Variants in DCUN1D4 observed in about 807,000 individuals in gnomAD.
The protein encoded by DCUN1D4 is defective in cullin neddylation 1 domain containing 4.
A neutral mutation model predicts 47.9 loss-of-function variants in DCUN1D4; 22 were observed. That is an observed-to-expected ratio of 0.46 (90% CI 0.33 to 0.66). The LOEUF (loss-of-function observed/expected upper bound fraction) is 0.66. DCUN1D4 is among the 30% of genes least tolerant of loss of function. The pLI, the probability that DCUN1D4 is intolerant of heterozygous loss-of-function variation, is 0.02. For missense variants in DCUN1D4, 301 were observed against 340.8 expected, an observed-to-expected ratio of 0.88 and a Z score of 0.92; for synonymous variants, 121 against 112.2, an observed-to-expected ratio of 1.08 and a Z score of -0.50.
intron 7 of DCUN1D4, among the ~76,000 whole-genome samples, chr4:51,895,758 C>G (rs1731174031): frequency 6.6e-6 from 1 of 152,112 alleles, no homozygotes; most frequent in Admixed American, 6.6e-5. Flanking sequence ...GAGCAGCAAA[C>G]TCAAAAAGAA....
At chr4:51,904,214 GC>G (rs1732537198) in intron 8 of DCUN1D4, among the ~76,000 whole-genome samples, 1 of 151,966 alleles carries the variant, frequency 6.6e-6, no homozygotes, top group South Asian at 2.1e-4. Flanking sequence ...GGATGATTTG[GC>G]CCCACTACTA....
In DCUN1D4 at chr4:51,889,810, A is replaced by G. The variant is rs116446469; in HGVS notation, c.415-1950A>G. Among the ~76,000 whole-genome samples the G allele has an allele frequency of 2.4e-3, 360 of 152,288 alleles. 1 individual carries two copies. Among genetic ancestry groups the G allele is most frequent in the African/African-American group, 8.5e-3 (353 of 41,564 alleles). On this transcript the variant is annotated intron_variant, in intron 6 of 10. Transcript: ENST00000334635. Reference sequence around the variant, plus strand: ...GAATAATTTGAAGAACTGTAACCCCATCTTTTTGGGAAATTCTTAGTAGCA... The same window carrying G: ...GAATAATTTGAAGAACTGTAACCCCGTCTTTTTGGGAAATTCTTAGTAGCA...
chr4:51,843,334 G>T, intron 1 of DCUN1D4, 67 bp downstream of exon 1: 1 of 1,476,228 alleles, frequency 6.8e-7, no homozygotes, highest in South Asian at 1.3e-5. Context: ...CTCGGCTCCC[G>T]CAGTCCCCGC....
the DCUN1D4 span, among the ~76,000 whole-genome samples, chr4:51,834,130 C>CTTTTTTTTTTTTTTTTTTTTTTTTTT: frequency 4.3e-5 from 1 of 23,394 alleles, no homozygotes; most frequent in African/African-American, 4.3e-4. Flanking sequence ...TTTTTTTTTG[C>CTTTTTTTTTTTTTTTTTTTTTTTTTT]TGTAAATCTG....
intron 4 of DCUN1D4, 188 bp downstream of exon 4, chr4:51,874,573 A>G: frequency 2.3e-6 from 1 of 443,184 alleles, no homozygotes; most frequent in East Asian, 3.6e-5. Flanking sequence ...GTAAGAACAA[A>G]TTAGGTAATT....
At chr4:51,873,339 T>C (rs1033405952) in intron 3 of DCUN1D4, among the ~76,000 whole-genome samples, 17 of 152,208 alleles carry the variant, frequency 1.1e-4, no homozygotes, top group Non-Finnish European at 1.9e-4. Flanking sequence ...TCATGATTAT[T>C]GTAGGAACCA....
intron 8 of DCUN1D4, among the ~76,000 whole-genome samples, chr4:51,908,524 G>T (rs1014215484): frequency 1.2e-4 from 18 of 152,046 alleles, no homozygotes; most frequent in Admixed American, 1.1e-3. Flanking sequence ...GATTTGTGTT[G>T]ACAGCGTATA....
At position 51,874,305 on chromosome 4, in the gene DCUN1D4, T is replaced by C. The variant is rs761890172; in HGVS notation, c.171T>C (p.Phe57=). 1.9e-6 allele frequency: 3 copies of C among 1,613,384 alleles called. No homozygotes were observed. Among genetic ancestry groups the C allele is most frequent in the Non-Finnish European group, 2.5e-6 (3 of 1,179,840 alleles). Residue 57 remains phenylalanine (F), a synonymous_variant, in exon 4 of 11, where the codon TTT becomes TTC. Transcript: ENST00000334635. The stretch of plus-strand genomic sequence containing the variant: ...GGTCTTGCAGTTCTTCAGACTGCTT[T>C]AATAAAGTGATGCCACCAAGGAAAA... The part of the protein sequence containing the change: ...SLRSCSSSDC[F]NKVMPPRKKR...
At chr4:51,881,085 G>A (rs1015002383) in intron 5 of DCUN1D4, among the ~76,000 whole-genome samples, 2 of 151,922 alleles carry the variant, frequency 1.3e-5, no homozygotes, top group South Asian at 2.1e-4. Context: ...CCAAGATTGC[G>A]CCACTGCACT....
chr4:51,844,867 T>A, intron 1 of DCUN1D4: 3 of 985,146 alleles, frequency 3.0e-6, no homozygotes, highest in Non-Finnish European at 3.6e-6. Context: ...CAGCGCGCCC[T>A]TGGAGCCTTC....
At chr4:51,870,173 CTTG>C (rs1011408960) in intron 3 of DCUN1D4, among the ~76,000 whole-genome samples, 17 of 152,128 alleles carry the variant, frequency 1.1e-4, no homozygotes, top group African/African-American at 4.1e-4. Context: ...CCGTAACATT[CTTG>C]TTTATATTAT....
intron 3 of DCUN1D4, chr4:51,865,136 G>A (rs1577898634): frequency 9.2e-6 from 2 of 217,224 alleles, no homozygotes; most frequent in African/African-American, 4.6e-5. Flanking sequence ...ATAAAGATTT[G>A]TTCACAAATG....
At position 51,844,491 on chromosome 4, in the gene DCUN1D4, G is replaced by A. The variant is rs561149025; in HGVS notation, c.25+1224G>A. The A allele has an allele frequency of 5.0e-6, 4 of 805,162 alleles. No individual in the cohort carries two copies. In the African/African-American group the frequency reaches 7.4e-5, roughly 15 times the overall value. 49.9% of individuals were successfully genotyped at this position (805,162 alleles called of 1,614,324 possible). A position where few individuals can be genotyped will look rare whatever the true frequency, so the allele number is the denominator to read the frequency against. On this transcript the variant is annotated intron_variant, in intron 1 of 10. Coordinates refer to ENST00000334635, the MANE Select transcript of DCUN1D4 (RefSeq NM_001040402.3). ...TCAGCAGCGGGAGCCGGAGGGGTCGGGCCCTGATGGCCGGGTCGGGGGCTT... is the reference window on the plus strand; with the variant it reads ...TCAGCAGCGGGAGCCGGAGGGGTCGAGCCCTGATGGCCGGGTCGGGGGCTT...
chr4:51,898,288 A>G (rs535802560), intron 7 of DCUN1D4, among the ~76,000 whole-genome samples: 1 of 152,116 alleles, frequency 6.6e-6, no homozygotes, highest in Non-Finnish European at 1.5e-5. Flanking sequence ...CCTTCCCTGG[A>G]TGTCAGATTG....
intron 3 of DCUN1D4, among the ~76,000 whole-genome samples, chr4:51,871,558 G>A (rs1430992834): frequency 6.6e-5 from 10 of 152,194 alleles, no homozygotes; most frequent in Non-Finnish European, 5.9e-5. Context: ...ATGTGGAAGG[G>A]GAGGGGTTAC....
intron 1 of DCUN1D4, among the ~76,000 whole-genome samples, chr4:51,854,784 A>AG (rs1263388003): frequency 6.6e-6 from 1 of 152,218 alleles, no homozygotes; most frequent in Non-Finnish European, 1.5e-5. Context: ...GCCTTGTGCT[A>AG]GGTTTGTGCT....
At chr4:51,853,742 G>A (rs1265385075) in intron 1 of DCUN1D4, among the ~76,000 whole-genome samples, 3 of 152,184 alleles carry the variant, frequency 2.0e-5, no homozygotes, top group Non-Finnish European at 2.9e-5. Flanking sequence ...CCACTGTGTA[G>A]CCAATGGTTT....
At chr4:51,868,890 C>G (rs1726398855) in intron 3 of DCUN1D4, among the ~76,000 whole-genome samples, 1 of 152,014 alleles carries the variant, frequency 6.6e-6, no homozygotes, top group Non-Finnish European at 1.5e-5. Flanking sequence ...GAGGCTGAGA[C>G]CAGTGGATCA....
At chr4:51,900,717 G>A (rs1269365008) in intron 8 of DCUN1D4, among the ~76,000 whole-genome samples, 2 of 152,046 alleles carry the variant, frequency 1.3e-5, no homozygotes, top group Admixed American at 1.3e-4. Context: ...TTTTTTGCTA[G>A]ATGCTTTTAG....
Sources: gnomAD v4.1 joint callset for allele counts (sites outside exome capture counted in the v4.1 genomes callset) on GRCh38, gnomAD v4.1.1 for gene constraint, MANE v1.5 for transcripts, NCBI Gene and HGNC (gene_info 2026-07-23, HGNC 2026-07-21) for gene names.